GRIN2B: variants seen among roughly 807,000 people sequenced by gnomAD.
GRIN2B encodes glutamate receptor ionotropic, NMDA 2B.
A neutral mutation model predicts 114.5 loss-of-function variants in GRIN2B; 5 were observed. The observed-to-expected ratio is 0.04, with a 90% confidence interval of 0.02 to 0.09. The LOEUF is 0.09. Ranked by LOEUF, GRIN2B falls within the 10% of genes least tolerant of loss-of-function variation. The probability of loss-of-function intolerance (pLI) is 1.00; values close to 1 mark genes in which losing one functional copy is unlikely to be tolerated. For synonymous variants in GRIN2B, 787 were observed against 745.1 expected (o/e 1.06, Z -0.92); for missense variants, 1,108 against 1,943.5 (o/e 0.57, Z 8.08).
intron 3 of GRIN2B, among the ~76,000 whole-genome samples, chr12:13,780,106 C>T (rs1029313007): frequency 1.4e-4 from 22 of 152,192 alleles, no homozygotes; most frequent in African/African-American, 4.8e-4. Context: ...TTCTCAGTTG[C>T]GGAAATAATT....
rs539666420 is a variant in GRIN2B at position 13,855,926 on chromosome 12, C to G, written c.411+9872G>C. ...GTTAGCTGTCACTATGCACCTGACA[C>G]TATGTGCTAGGAAGACGAAATTACT... is the stretch of plus-strand genomic sequence containing the variant. On this transcript the variant is annotated intron_variant, in intron 3 of 13. Coordinates refer to ENST00000609686, the MANE Select transcript of GRIN2B (RefSeq NM_000834.5). 7.9e-5 allele frequency among the ~76,000 whole-genome samples: 12 copies of G among 152,256 alleles called. No individual in the cohort carries two copies. In the South Asian group the frequency reaches 2.5e-3, roughly 32 times the overall value.
At chr12:13,821,986 C>G (rs778711180) in intron 3 of GRIN2B, among the ~76,000 whole-genome samples, 20 of 152,094 alleles carry the variant, frequency 1.3e-4, no homozygotes, top group Admixed American at 8.5e-4. Flanking sequence ...TGAAATATGT[C>G]CTAATTCTAA....
rs971847120 is a variant in GRIN2B at position 13,948,040 on chromosome 12, T to C, written c.-19+31888A>G. 1.1e-4 allele frequency among the ~76,000 whole-genome samples: 16 copies of C among 152,294 alleles called. 1 individual carries two copies. Among genetic ancestry groups the C allele is most frequent in the African/African-American group, 3.8e-4 (16 of 41,568 alleles). On this transcript the variant is annotated intron_variant, in intron 2 of 13. Coordinates refer to ENST00000609686, the MANE Select transcript of GRIN2B (RefSeq NM_000834.5). ...CACCTAGGCCCTGAAAGTATGGTAT[T>C]TACTCACTCAAAACCCAACAATGTT...
rs886143993 is a variant in GRIN2B at position 13,819,187 on chromosome 12, C to T, written c.411+46611G>A. 3.9e-5 allele frequency among the ~76,000 whole-genome samples: 6 copies of T among 152,080 alleles called. No individual in the cohort carries two copies. In the South Asian group the frequency reaches 1.2e-3, roughly 32 times the overall value. ...GGACACAGCCATTTAGAAGAAAGAC[C>T]GTGTGAGTGAGAGAGAAGGTGGCCA... On this transcript the variant is annotated intron_variant, in intron 3 of 13. Coordinates refer to ENST00000609686, the MANE Select transcript of GRIN2B (RefSeq NM_000834.5).
At chr12:13,826,650 G>T (rs1359847534) in intron 3 of GRIN2B, among the ~76,000 whole-genome samples, 8 of 149,868 alleles carry the variant, frequency 5.3e-5, no homozygotes, top group African/African-American at 1.7e-4. Flanking sequence ...CTTTTTTTTA[G>T]TTTGGGATTT....
In GRIN2B at chr12:13,616,649, C is replaced by T. The variant is rs1262635699; in HGVS notation, c.1134G>A (p.Lys378=). Residue 378 remains lysine, a synonymous_variant, in exon 6 of 14, where the codon AAG becomes AAA. Transcript: ENST00000609686. The part of the protein sequence containing the change: ...NKERKWERVG[K]WKDKSLQMKY... ...TCATCTGCAGGGACTTGTCTTTCCA[C>T]TTCCCCACCTGCACAAGGATGAACA... The T allele has an allele frequency of 1.9e-6, 3 of 1,612,820 alleles. No individual in the cohort carries two copies. Among genetic ancestry groups the T allele is most frequent in the East Asian group, 2.2e-5 (1 of 44,896 alleles).
chr12:13,665,583 C>T (rs1409622809), intron 5 of GRIN2B, among the ~76,000 whole-genome samples: 1 of 152,126 alleles, frequency 6.6e-6, no homozygotes, highest in Non-Finnish European at 1.5e-5. Context: ...TGTCTACACC[C>T]AGCTCTGCCA....
intron 3 of GRIN2B, among the ~76,000 whole-genome samples, chr12:13,845,604 T>G (rs1299467617): frequency 6.6e-6 from 1 of 152,198 alleles, no homozygotes; most frequent in East Asian, 1.9e-4. Flanking sequence ...GCAAGTCACT[T>G]AATCTTTCTT....
At chr12:13,799,619 A>C (rs1302012298) in intron 3 of GRIN2B, among the ~76,000 whole-genome samples, 1 of 152,180 alleles carries the variant, frequency 6.6e-6, no homozygotes, top group Admixed American at 6.6e-5. Flanking sequence ...TTAAACTTCC[A>C]AGAGGCACTG....
chr12:13,849,923 C>A (rs995069004), intron 3 of GRIN2B, among the ~76,000 whole-genome samples: 1 of 152,114 alleles, frequency 6.6e-6, no homozygotes, highest in African/African-American at 2.4e-5. Flanking sequence ...AGATATCTGT[C>A]CCATCATGCT....
chr12:13,634,275 A>G (rs1949645103), intron 5 of GRIN2B: 1 of 152,224 alleles, frequency 6.6e-6, no homozygotes, highest in Non-Finnish European at 1.5e-5. Flanking sequence ...AAATACACTT[A>G]TTGAGAAAGA....
chr12:13,588,702 G>T (rs550102566), intron 10 of GRIN2B, among the ~76,000 whole-genome samples: 1 of 152,258 alleles, frequency 6.6e-6, no homozygotes, highest in East Asian at 1.9e-4. Flanking sequence ...ATAATGCAGT[G>T]CTGCTTTTTT....
intron 5 of GRIN2B, among the ~76,000 whole-genome samples, chr12:13,627,364 T>G (rs1171961777): frequency 1.3e-5 from 2 of 152,206 alleles, no homozygotes; most frequent in Non-Finnish European, 2.9e-5. Flanking sequence ...CATAATGTAC[T>G]GTGTATTTCA....
chr12:13,935,211 T>C (rs1056168417), intron 2 of GRIN2B, among the ~76,000 whole-genome samples: 2 of 152,180 alleles, frequency 1.3e-5, no homozygotes, highest in Non-Finnish European at 2.9e-5. Flanking sequence ...GGCTAGCATA[T>C]GTGACCAGTA....
At chr12:13,842,181 C>T (rs1865391028) in intron 3 of GRIN2B, among the ~76,000 whole-genome samples, 1 of 152,208 alleles carries the variant, frequency 6.6e-6, no homozygotes, top group Non-Finnish European at 1.5e-5. Context: ...ACACTCTCCA[C>T]TCAAGTATCT....
In GRIN2B at chr12:13,675,796, C is replaced by T; in HGVS notation, c.1074G>A (p.Met358Ile). 1.2e-6 allele frequency: 2 copies of T among 1,611,622 alleles called. No individual in the cohort carries two copies. Among genetic ancestry groups the T allele is most frequent in the Non-Finnish European group, 1.7e-6 (2 of 1,177,958 alleles). ...GAAGAATTATCACCAGTTTCGGGTG[C>T]ATCTGGTAGCCATCTTCACTGAAGG... ...NLSFSEDGYQ[M>I]HPKLVIILLN... Residue 358 changes from methionine (M) to isoleucine (I), a missense_variant, in exon 5 of 14, where the codon ATG (methionine) becomes ATA (isoleucine). Transcript: ENST00000609686.
intron 4 of GRIN2B, among the ~76,000 whole-genome samples, chr12:13,725,376 T>C (rs192173590): frequency 1.7e-3 from 262 of 152,252 alleles, no homozygotes; most frequent in African/African-American, 5.9e-3. Context: ...GTGGCAGGAC[T>C]GTATTTGGTG....
intron 3 of GRIN2B, among the ~76,000 whole-genome samples, chr12:13,851,752 T>C (rs1865569472): frequency 6.6e-6 from 1 of 152,224 alleles, no homozygotes; most frequent in Non-Finnish European, 1.5e-5. Context: ...TATGTCAAAC[T>C]GTTTTATTTT....
chr12:13,793,218 C>T (rs11829584), intron 3 of GRIN2B, among the ~76,000 whole-genome samples: 5,599 of 152,156 alleles, frequency 0.037, 131 homozygotes, highest in African/African-American at 0.062. Context: ...GCCAGGAGCT[C>T]GAGACCAGCC....
Sources: allele counts gnomAD v4.1 joint callset (sites outside exome capture counted in the v4.1 genomes callset), GRCh38; gene constraint gnomAD v4.1.1; transcripts MANE v1.5; gene names NCBI Gene and HGNC (gene_info 2026-07-23, HGNC 2026-07-21).